GTF2I: variants seen among roughly 807,000 people sequenced by gnomAD.
GTF2I encodes the protein general transcription factor II-I.
GTF2I carries 12 observed loss-of-function variants against 67.6 expected under a neutral mutation model. That is an observed-to-expected ratio of 0.18 (90% CI 0.11 to 0.29). The LOEUF (loss-of-function observed/expected upper bound fraction) is 0.29, where lower values mean the gene tolerates loss of function less well. GTF2I is among the 10% of genes least tolerant of loss of function. The pLI is 1.00. For missense variants in GTF2I, 271 were observed against 580.1 expected (o/e 0.47, Z 5.47); for synonymous variants, 149 against 197.0 (o/e 0.76, Z 2.04).
chr7:74,681,242 C>G (rs587618459), intron 1 of GTF2I, among the ~76,000 whole-genome samples: 1 of 152,182 alleles, frequency 6.6e-6, no homozygotes, highest in African/African-American at 2.4e-5. Context: ...CAAGATCAGC[C>G]TGACCAACAT....
intron 12 of GTF2I, among the ~76,000 whole-genome samples, chr7:74,728,278 G>C (rs1467355258): frequency 3.9e-5 from 6 of 151,918 alleles, no homozygotes; most frequent in African/African-American, 1.5e-4. Context: ...CTCCAGCCTG[G>C]GCAACAGAAC....
intron 1 of GTF2I, among the ~76,000 whole-genome samples, chr7:74,678,070 T>C (rs759434699): frequency 6.6e-6 from 1 of 152,142 alleles, no homozygotes; most frequent in South Asian, 2.1e-4. Flanking sequence ...TCTCTCTCTT[T>C]AATGGACACG....
chr7:74,697,352 G>A (rs1288394319), intron 3 of GTF2I, among the ~76,000 whole-genome samples: 4 of 152,048 alleles, frequency 2.6e-5, no homozygotes, highest in African/African-American at 4.8e-5. Context: ...CCACGATCGT[G>A]CCACTGCACT....
At chr7:74,660,384 G>T (rs1408384027) in intron 1 of GTF2I, among the ~76,000 whole-genome samples, 1 of 151,704 alleles carries the variant, frequency 6.6e-6, no homozygotes, top group African/African-American at 2.4e-5. Flanking sequence ...TAGAGACGGT[G>T]TTTCGCCATG....
chr7:74,658,378 T>TGGGGGAGGGGCGCGCGC (rs1804121460), intron 1 of GTF2I, among the ~76,000 whole-genome samples: 2 of 137,496 alleles, frequency 1.5e-5, no homozygotes, highest in Non-Finnish European at 3.2e-5. Flanking sequence ...TCAGTGCGCG[T>TGGGGGAGGGGCGCGCGC]GGGGGAGGGG....
At chr7:74,705,005 G>T (rs1314581250) in intron 6 of GTF2I, among the ~76,000 whole-genome samples, 159 bp from the exon 7 acceptor site, 3 of 152,054 alleles carry the variant, frequency 2.0e-5, no homozygotes, top group African/African-American at 2.4e-5. Flanking sequence ...ATTCAAGGAG[G>T]TTGTGGTTGG....
chr7:74,673,680 CTTTT>C (rs34307938), intron 1 of GTF2I, among the ~76,000 whole-genome samples: 9 of 119,786 alleles, frequency 7.5e-5, no homozygotes, highest in Admixed American at 3.5e-4. Flanking sequence ...CGCCCGGCCT[CTTTT>C]TTTTTTTTTT....
chr7:74,663,850 A>G (rs1554387533), intron 1 of GTF2I, among the ~76,000 whole-genome samples: 1 of 151,706 alleles, frequency 6.6e-6, no homozygotes, highest in Non-Finnish European at 1.5e-5. Flanking sequence ...TATTTTTGAG[A>G]CAGAGTCTCG....
intron 1 of GTF2I, among the ~76,000 whole-genome samples, chr7:74,667,178 A>G (rs185895209): frequency 6.6e-6 from 1 of 151,964 alleles, no homozygotes; most frequent in Admixed American, 6.6e-5. Context: ...ACACATCTCT[A>G]CTGAAAATAC....
At chr7:74,704,292 A>ATTTT (rs1554400685) in intron 6 of GTF2I, among the ~76,000 whole-genome samples, 1 of 149,358 alleles carries the variant, frequency 6.7e-6, no homozygotes, top group African/African-American at 2.5e-5. Context: ...TTATTTATTT[A>ATTTT]TTTTTTTATT....
chr7:74,718,418 T>C (rs2131438064), intron 11 of GTF2I, among the ~76,000 whole-genome samples: 1 of 152,346 alleles, frequency 6.6e-6, no homozygotes, highest in African/African-American at 2.4e-5. Context: ...TGTGCACTTG[T>C]GACACTCAGT....
intron 5 of GTF2I, 38 bp from the exon 6 acceptor site, chr7:74,700,568 A>T: frequency 6.2e-7 from 1 of 1,611,928 alleles, no homozygotes; most frequent in South Asian, 1.1e-5. Context: ...AATTTTGCGT[A>T]TTCATACGAA....
At chr7:74,663,933 G>A (rs1442171309) in intron 1 of GTF2I, among the ~76,000 whole-genome samples, 1 of 152,070 alleles carries the variant, frequency 6.6e-6, no homozygotes, top group Non-Finnish European at 1.5e-5. Context: ...GGGTTCAAGC[G>A]ATTCTCCTGC....
At chr7:74,691,319 G>A (rs1378018528) in intron 3 of GTF2I, among the ~76,000 whole-genome samples, 1 of 150,984 alleles carries the variant, frequency 6.6e-6, no homozygotes, top group Non-Finnish European at 1.5e-5. Flanking sequence ...TGATTCTCCT[G>A]CCTCAGCCTC....
chr7:74,718,719 T>C (rs1347168262), intron 11 of GTF2I, among the ~76,000 whole-genome samples, 160 bp from the exon 12 acceptor site: 1 of 152,258 alleles, frequency 6.6e-6, no homozygotes, highest in African/African-American at 2.4e-5. Context: ...CTATTTATAA[T>C]GACAAGGGTC....
At chr7:74,719,002 A>G in intron 12 of GTF2I, 61 bp downstream of exon 12, 1 of 812,702 alleles carries the variant, frequency 1.2e-6, no homozygotes, top group Non-Finnish European at 2.0e-6. Context: ...TACTTGTCAC[A>G]TTCACATTGC....
intron 1 of GTF2I, among the ~76,000 whole-genome samples, chr7:74,659,082 C>CT (rs1360591880): frequency 6.6e-6 from 1 of 152,164 alleles, no homozygotes; most frequent in African/African-American, 2.4e-5. Context: ...TACTGACCTC[C>CT]TTTTTTTAAA....
intron 1 of GTF2I, among the ~76,000 whole-genome samples, chr7:74,658,987 TG>T (rs1460016099): frequency 2.6e-4 from 39 of 152,178 alleles, no homozygotes; most frequent in African/African-American, 8.9e-4. Flanking sequence ...GTTATGGATT[TG>T]CGCTGATTTG....
Position 74,718,944 on chromosome 7 carries a change from TA to T in GTF2I, c.943+4del. The stretch of plus-strand genomic sequence containing the variant: ...TGAAGTTGAGGTGACTATTGAAGGT[TA>T]GTTATCTAAAAGCCTTGATTCCAAA... On this transcript the variant is annotated splice_donor_region_variant and intron_variant, in intron 12 of 34. Transcript: ENST00000573035. 1 of 1,510,830 alleles carries T rather than the reference TA, an allele frequency of 6.6e-7. No homozygotes were observed. Among genetic ancestry groups the T allele is most frequent in the Non-Finnish European group, 9.1e-7 (1 of 1,101,190 alleles). 93.6% of individuals were successfully genotyped at this position (1,510,830 alleles called of 1,614,324 possible).
Sources: gnomAD v4.1 joint callset for allele counts (sites outside exome capture counted in the v4.1 genomes callset) on GRCh38, gnomAD v4.1.1 for gene constraint, MANE v1.5 for transcripts, NCBI Gene and HGNC (gene_info 2026-07-23, HGNC 2026-07-21) for gene names.